Variants in CASK observed in about 807,000 individuals in gnomAD.
The protein encoded by CASK is calcium/calmodulin dependent serine protein kinase.
CASK carries 4 observed loss-of-function variants against 82.9 expected under a neutral mutation model. That is an observed-to-expected ratio of 0.05 (90% CI 0.02 to 0.11). CASK has a LOEUF of 0.11. CASK is among the 10% of genes least tolerant of loss of function. The pLI is 1.00. For missense variants in CASK, 358 were observed against 720.9 expected (o/e 0.50, Z 5.76); for synonymous variants, 259 against 253.5 (o/e 1.02, Z -0.20).
At chrX:41,539,431 T>C (rs2064918945) in intron 22 of CASK, among the ~76,000 whole-genome samples, 1 of 112,144 alleles carries the variant, frequency 8.9e-6, no homozygotes, top group Admixed American at 9.5e-5. Flanking sequence ...ATACAGCCCT[T>C]ATTTTAATTT....
intron 7 of CASK, among the ~76,000 whole-genome samples, chrX:41,663,132 A>C (rs1402616604): frequency 8.9e-6 from 1 of 111,777 alleles, no homozygotes; most frequent in African/African-American, 3.2e-5. Context: ...TACAGATAAA[A>C]CAAGATTGTC....
At chrX:41,732,794 A>G (rs2068421599) in intron 5 of CASK, among the ~76,000 whole-genome samples, 1 of 107,942 alleles carries the variant, frequency 9.3e-6, no homozygotes. Flanking sequence ...GCAGTGATAC[A>G]ATCACAGCTC....
intron 14 of CASK, chrX:41,585,498 C>T (rs2065641918): frequency 8.9e-6 from 1 of 112,440 alleles, no homozygotes; most frequent in Admixed American, 9.4e-5. Context: ...GTAATCCCAG[C>T]ACTTTGGGAG....
At chrX:41,540,002 G>A (rs1015225096) in intron 22 of CASK, among the ~76,000 whole-genome samples, 4 of 111,995 alleles carry the variant, frequency 3.6e-5, no homozygotes, top group Admixed American at 2.8e-4. Flanking sequence ...ATCACAAATA[G>A]GCCTAAACAC....
chrX:41,739,951 C>A (rs1238349793), intron 4 of CASK, among the ~76,000 whole-genome samples: 1 of 112,061 alleles, frequency 8.9e-6, no homozygotes, highest in African/African-American at 3.2e-5. Flanking sequence ...CCTTATCGGA[C>A]AATTTCTTTT....
chrX:41,842,327 C>T (rs988033419), intron 2 of CASK, among the ~76,000 whole-genome samples: 1 of 110,536 alleles, frequency 9.0e-6, no homozygotes, highest in Non-Finnish European at 1.9e-5. Context: ...ATCTCAGCAC[C>T]CTGGGAGGCG....
intron 11 of CASK, among the ~76,000 whole-genome samples, chrX:41,613,629 T>TAAAAA (rs767946526): frequency 6.0e-5 from 3 of 49,801 alleles, no homozygotes; most frequent in Admixed American, 4.8e-4. Context: ...AATGATCAAT[T>TAAAAA]AAAAAAAAAA....
At chrX:41,869,216 ATGAG>A (rs1170877879) in intron 1 of CASK, among the ~76,000 whole-genome samples, 5 of 111,621 alleles carry the variant, frequency 4.5e-5, no homozygotes, top group Admixed American at 9.5e-5. Context: ...ATAGGAATGA[ATGAG>A]TGAGTGAATA....
At chrX:41,812,103 T>C (rs1459658205) in intron 2 of CASK, among the ~76,000 whole-genome samples, 4 of 111,531 alleles carry the variant, frequency 3.6e-5, no homozygotes, top group African/African-American at 1.3e-4. Context: ...ATTAATAGCC[T>C]ACCAACCAAA....
At chrX:41,600,192 A>G (rs1483247515) in intron 12 of CASK, among the ~76,000 whole-genome samples, 2 of 111,713 alleles carry the variant, frequency 1.8e-5, no homozygotes, top group African/African-American at 3.2e-5. Context: ...TTTATTTTGC[A>G]TAGGTAAACA....
chrX:41,889,622 T>G (rs1458328177), intron 1 of CASK, among the ~76,000 whole-genome samples: 1 of 111,915 alleles, frequency 8.9e-6, no homozygotes, highest in Non-Finnish European at 1.9e-5. Context: ...TATACAGTGG[T>G]CATTTAAAGA....
At chrX:41,569,622 A>G in intron 16 of CASK, 46 bp downstream of exon 16, 1 of 904,279 alleles carries the variant, frequency 1.1e-6, no homozygotes, top group Non-Finnish European at 1.6e-6. Flanking sequence ...GGCTACAGGG[A>G]AAAAAAATTA....
In CASK at chrX:41,787,225, T is replaced by C. The variant is rs2147833081; in HGVS notation, c.231A>G (p.Leu77=). 2 of 1,198,713 alleles carry C rather than the reference T, an allele frequency of 1.7e-6. No individual in the cohort carries two copies. The highest frequency in any genetic ancestry group is 3.0e-5 in the East Asian group (1 of 33,750). The change falls in exon 3 of 27, where the codon TTA becomes TTG. Residue 77 remains leucine (L), a synonymous_variant. Coordinates refer to ENST00000378163, the MANE Select transcript of CASK (RefSeq NM_001367721.1). The part of the protein sequence containing the change: ...HMLKHPHIVE[L]LETYSSDGML... ...TTCCATCTGAGCTATATGTCTCCAA[T>C]AACTCTACAATGTGTGGATGTTTCA... is the stretch of plus-strand genomic sequence containing the variant.
At chrX:41,730,922 C>T (rs944423932) in intron 5 of CASK, among the ~76,000 whole-genome samples, 13 of 111,312 alleles carry the variant, frequency 1.2e-4, no homozygotes, top group East Asian at 1.1e-3. Flanking sequence ...CCAGGTTGGT[C>T]TCGAATTCCT....
At position 41,626,645 on chromosome X, in the gene CASK, G is replaced by T. The variant is rs760139497; in HGVS notation, c.974C>A (p.Pro325His). The T allele has an allele frequency of 8.3e-7, 1 of 1,205,716 alleles. No homozygotes were observed. Among genetic ancestry groups the T allele is most frequent in the Non-Finnish European group, 1.1e-6 (1 of 890,774 alleles). ...HKFNSFYGDP[P>H]EELPDFSEDP... ...TTCGGAGAAATCTGGTAACTCTTCA[G>T]GGGGATCCCCATAGAATGAGTTGAA... Residue 325 changes from proline (P) to histidine (H), a missense_variant, in exon 10 of 27, where the codon CCT becomes CAT. By Grantham distance (77) the Pro-to-His change is moderately conservative. Coordinates refer to ENST00000378163, the MANE Select transcript of CASK (RefSeq NM_001367721.1).
chrX:41,794,102 TTTG>T lies in CASK; in HGVS notation c.173-6822_173-6820del, dbSNP rs755242126. 4.5e-5 allele frequency among the ~76,000 whole-genome samples: 5 copies of T among 112,068 alleles called. No homozygotes were observed. In the East Asian group the frequency reaches 1.4e-3, roughly 31 times the overall value. On this transcript the variant is annotated intron_variant, in intron 2 of 26. Transcript: ENST00000378163. Reference sequence around the variant, plus strand: ...ATGTTTCACTACTAGCTCTATACATTTTGTTGTCTTTTTTCACACACACAAACA... The same window carrying T: ...ATGTTTCACTACTAGCTCTATACATTTTGTCTTTTTTCACACACACAAACA...
At chrX:41,720,626 T>A (rs905651283) in intron 5 of CASK, among the ~76,000 whole-genome samples, 4 of 111,721 alleles carry the variant, frequency 3.6e-5, no homozygotes, top group African/African-American at 9.8e-5. Context: ...GTTTAAACAC[T>A]AGTTTGGATA....
chrX:41,544,097 T>C (rs908605468), intron 21 of CASK, among the ~76,000 whole-genome samples: 1 of 112,394 alleles, frequency 8.9e-6, no homozygotes, highest in Non-Finnish European at 1.9e-5. Flanking sequence ...ATTCTTTATA[T>C]AGTCTAGATA....
At chrX:41,557,415 T>C (rs1041426578) in intron 18 of CASK, among the ~76,000 whole-genome samples, 1 of 111,635 alleles carries the variant, frequency 9.0e-6, no homozygotes, top group African/African-American at 3.3e-5. Context: ...AAGTATAAGA[T>C]GACAAACATT....
Sources: gnomAD v4.1 joint callset for allele counts (sites outside exome capture counted in the v4.1 genomes callset) on GRCh38, gnomAD v4.1.1 for gene constraint, MANE v1.5 for transcripts, NCBI Gene and HGNC (gene_info 2026-07-23, HGNC 2026-07-21) for gene names.